Variants in CENPF observed in about 807,000 individuals in gnomAD.
The protein encoded by CENPF is AH antigen.
In CENPF, 214 loss-of-function variants were observed where a neutral mutation model predicts 307.3. The observed-to-expected ratio is 0.70, with a 90% CI of 0.62 to 0.78. The LOEUF (loss-of-function observed/expected upper bound fraction) is 0.78. Among genes scored for constraint, CENPF ranks in the 30% least tolerant of loss-of-function variants. CENPF has a pLI of 0.00. For missense variants in CENPF, 3,401 were observed against 3,483.9 expected, an observed-to-expected ratio of 0.98 and a Z score of 0.60; for synonymous variants, 1,259 against 1,270.6, an observed-to-expected ratio of 0.99 and a Z score of 0.19.
intron 1 of CENPF, among the ~76,000 whole-genome samples, chr1:214,605,186 G>C (rs1400151853): frequency 6.6e-6 from 1 of 152,172 alleles, no homozygotes; most frequent in South Asian, 2.1e-4. Flanking sequence ...CTAAGATGTG[G>C]CTGAGAAGGA....
rs1235446338 is a variant in CENPF, at chr1:214,614,986, C to A, written c.317C>A (p.Ser106Ter). 2 of 1,604,336 alleles carry A rather than the reference C, an allele frequency of 1.2e-6. No homozygotes were observed. The highest frequency in any genetic ancestry group is 1.1e-5 in the South Asian group (1 of 88,490). Residue 106 changes from serine to a stop codon, truncating the protein, a stop_gained, in exon 3 of 20, where the codon TCA (serine) becomes TAA (stop). Transcript: ENST00000366955. LOFTEE classifies it high-confidence loss of function. ...QVNFQEGQLN[S>*]GKKQIEKLEQ... is the part of the protein sequence containing the mutation. The stretch of plus-strand genomic sequence containing the variant: ...AATTTCCAGGAAGGACAACTGAATT[C>A]AGGCAAAAAACAAATAGAAAAACTG...
chr1:214,641,945 C>A lies in CENPF; in HGVS notation c.3607C>A (p.Leu1203Ile). ...GGATCTTGAAGTTAAAGAAATTTCT[C>A]TAGATAGTTATAATGCGCAGTTGGT... ...QMDLEVKEIS[L>I]DSYNAQLVQL... is the part of the protein sequence containing the mutation. Residue 1203 changes from leucine (L) to isoleucine (I), a missense_variant, in exon 12 of 20, where the codon CTA becomes ATA. Transcript: ENST00000366955. 1.3e-6 allele frequency: 2 copies of A among 1,589,624 alleles called. No individual in the cohort carries two copies. The highest frequency in any genetic ancestry group is 1.2e-5 in the South Asian group (1 of 85,620).
At chr1:214,625,695 C>A (rs1405981344) in intron 7 of CENPF, among the ~76,000 whole-genome samples, 4 of 151,044 alleles carry the variant, frequency 2.6e-5, no homozygotes, top group Admixed American at 2.0e-4. Context: ...TTTTAAAAAT[C>A]CATTTTGATT....
At chr1:214,661,983 TA>T (rs1658798404) in intron 19 of CENPF, among the ~76,000 whole-genome samples, 1 of 152,120 alleles carries the variant, frequency 6.6e-6, no homozygotes, top group South Asian at 2.1e-4. Context: ...TGAAGCTAAC[TA>T]ACCAACAGGA....
intron 7 of CENPF, among the ~76,000 whole-genome samples, chr1:214,625,909 C>T (rs531360933): frequency 1.3e-5 from 2 of 152,200 alleles, no homozygotes; most frequent in South Asian, 4.1e-4. Flanking sequence ...TCTGTACATA[C>T]ATTTAGAACT....
intron 17 of CENPF, 30 bp from the exon 18 acceptor site, chr1:214,656,903 G>T (rs764838085): frequency 7.3e-7 from 1 of 1,363,706 alleles, no homozygotes; most frequent in African/African-American, 1.5e-5. Flanking sequence ...GCATCAAGTT[G>T]CACATGATGT....
intron 1 of CENPF, among the ~76,000 whole-genome samples, chr1:214,604,632 A>G (rs1424225461): frequency 6.6e-6 from 1 of 152,132 alleles, no homozygotes; most frequent in African/African-American, 2.4e-5. Context: ...ATCTTGATGT[A>G]ATGATTTCAG....
intron 12 of CENPF, among the ~76,000 whole-genome samples, chr1:214,644,313 G>A (rs1320291314): frequency 1.3e-5 from 2 of 152,220 alleles, no homozygotes; most frequent in African/African-American, 2.4e-5. Context: ...TAATTGAGCC[G>A]AAGGGTTTGT....
chr1:214,619,205 A>G lies in CENPF; in HGVS notation c.558A>G (p.Lys186=). The change falls in exon 5 of 20, where the codon AAA becomes AAG. Residue 186 remains lysine (K), a synonymous_variant. Transcript: ENST00000366955. ...EERKRLEAEV[K]ALQAKKASQT... is the part of the protein sequence containing the mutation. ...GAAAAAGATTAGAGGCAGAGGTTAA[A>G]GCCTTGCAGGCTAAAGTAAGTTAAT... 6.4e-7 allele frequency: 1 copy of G among 1,567,412 alleles called. No individual in the cohort carries two copies. Among genetic ancestry groups the G allele is most frequent in the Non-Finnish European group, 8.8e-7 (1 of 1,142,816 alleles).
chr1:214,638,057 G>T, intron 11 of CENPF, 56 bp downstream of exon 11: 2 of 1,493,584 alleles, frequency 1.3e-6, no homozygotes, highest in Non-Finnish European at 9.0e-7. Context: ...CCCGTGAGAG[G>T]GGATGGATGG....
At chr1:214,618,789 C>T (rs1395620955) in intron 4 of CENPF, 95 bp downstream of exon 4, 1 of 1,260,970 alleles carries the variant, frequency 7.9e-7, no homozygotes. Flanking sequence ...TTGAATTAAA[C>T]TTTTAATGTA....
intron 3 of CENPF, 95 bp from the exon 4 acceptor site, chr1:214,618,478 T>C (rs1657417197): frequency 2.1e-6 from 3 of 1,417,868 alleles, no homozygotes; most frequent in Non-Finnish European, 2.9e-6. Flanking sequence ...ATGGGTTTCT[T>C]TGTAAGTTTA....
intron 13 of CENPF, chr1:214,647,930 T>C (rs1383579670): frequency 4.1e-6 from 2 of 485,066 alleles, no homozygotes; most frequent in South Asian, 3.0e-5. Flanking sequence ...TCAGTCCCTC[T>C]TATACCTTCT....
chr1:214,652,099 C>T (rs1417703718), intron 15 of CENPF, among the ~76,000 whole-genome samples: 1 of 130,758 alleles, frequency 7.6e-6, no homozygotes, highest in Non-Finnish European at 1.5e-5. Flanking sequence ...GATGGGGTCT[C>T]TCTCTGTCGC....
intron 10 of CENPF, among the ~76,000 whole-genome samples, chr1:214,636,062 A>T (rs1286763749): frequency 6.6e-6 from 1 of 152,180 alleles, no homozygotes; most frequent in Non-Finnish European, 1.5e-5. Flanking sequence ...AGGTAATTAC[A>T]TTCTAGTTCC....
At chr1:214,605,769 C>T in intron 1 of CENPF, 1 of 1,593,540 alleles carries the variant, frequency 6.3e-7, no homozygotes, top group Admixed American at 1.7e-5. Context: ...CTGGTGCCCT[C>T]CACCCACAGC....
At chr1:214,649,917 G>A (rs568231475) in intron 14 of CENPF, among the ~76,000 whole-genome samples, 1 of 152,300 alleles carries the variant, frequency 6.6e-6, no homozygotes, top group South Asian at 2.1e-4. Context: ...TGCTAGTAAG[G>A]TCAGGGGATA....
chr1:214,630,523 T>C lies in CENPF; in HGVS notation c.1195-11T>C. 1 of 1,613,920 alleles carries C rather than the reference T, an allele frequency of 6.2e-7. No homozygotes were observed. Among genetic ancestry groups the C allele is most frequent in the Non-Finnish European group, 8.5e-7 (1 of 1,179,918 alleles). On this transcript the variant is annotated splice_polypyrimidine_tract_variant and intron_variant, in intron 8 of 19. Coordinates refer to ENST00000366955, the MANE Select transcript of CENPF (RefSeq NM_016343.4). ...ATCATCAGGCTGATGCACCTGCCCT[T>C]TGTTTTTCAGGAGCTCTCCCGTCAA...
rs138831102 is a variant in CENPF at position 214,648,592 on chromosome 1, G to T, written c.7831-83G>T. 76 of 1,441,314 alleles carry T rather than the reference G, an allele frequency of 5.3e-5. No individual in the cohort carries two copies. The Middle Eastern group carries it at 7.0e-4, about 13-fold the overall frequency. 89.3% of individuals were successfully genotyped at this position (1,441,314 alleles called of 1,614,324 possible). ...TTATGATTGAAGGCTAAAATAAATGGCATGAATATGTTGTATCAGAGTGGT... is the reference window on the plus strand; with the variant it reads ...TTATGATTGAAGGCTAAAATAAATGTCATGAATATGTTGTATCAGAGTGGT... On this transcript the variant is annotated intron_variant, in intron 13 of 19. Transcript: ENST00000366955.
Sources: gnomAD v4.1 joint callset for allele counts (sites outside exome capture counted in the v4.1 genomes callset) on GRCh38, gnomAD v4.1.1 for gene constraint, MANE v1.5 for transcripts, NCBI Gene and HGNC (gene_info 2026-07-23, HGNC 2026-07-21) for gene names.